Variants in FRMD6 observed in about 807,000 individuals in gnomAD.
The protein encoded by FRMD6 is FERM domain containing 6.
A neutral mutation model predicts 73.2 loss-of-function variants in FRMD6; 37 were observed. The observed-to-expected ratio is 0.51, with a 90% CI of 0.39 to 0.66. FRMD6 has a LOEUF of 0.66. Among genes scored for constraint, FRMD6 ranks in the 30% least tolerant of loss-of-function variants. The probability of loss-of-function intolerance (pLI) is 0.00; values close to 1 mark genes in which losing one functional copy is unlikely to be tolerated. For synonymous variants in FRMD6, 273 were observed against 282.2 expected, an observed-to-expected ratio of 0.97 and a Z score of 0.33; for missense variants, 714 against 780.5, an observed-to-expected ratio of 0.91 and a Z score of 1.02.
At chr14:51,647,719 T>C (rs544546169), upstream of FRMD6, among the ~76,000 whole-genome samples, 1 of 152,342 alleles carries the variant, frequency 6.6e-6, no homozygotes, top group African/African-American at 2.4e-5. Context: ...AAAGTATTCT[T>C]TAAAAGCCAG....
chr14:51,512,207 T>C (rs1390609143), intron 1 of FRMD6, among the ~76,000 whole-genome samples: 1 of 152,172 alleles, frequency 6.6e-6, no homozygotes, highest in Non-Finnish European at 1.5e-5. Flanking sequence ...GGATGGATAA[T>C]AGTTATGCAT....
the FRMD6 span, among the ~76,000 whole-genome samples, chr14:51,470,279 G>A: frequency 6.6e-6 from 1 of 152,178 alleles, no homozygotes; most frequent in Non-Finnish European, 1.5e-5. Context: ...AGCACTTCGG[G>A]AGGCCAAGGT....
intron 6 of FRMD6, among the ~76,000 whole-genome samples, chr14:51,705,977 T>C (rs1896603050): frequency 6.6e-6 from 1 of 152,074 alleles, no homozygotes; most frequent in African/African-American, 2.4e-5. Context: ...AAGTCCCAAA[T>C]CTGGTTTTTT....
intron 1 of FRMD6, among the ~76,000 whole-genome samples, chr14:51,516,449 A>G (rs914028753): frequency 6.6e-6 from 1 of 152,234 alleles, no homozygotes; most frequent in Non-Finnish European, 1.5e-5. Flanking sequence ...GGGCAGAGAG[A>G]AGCCAACACA....
intron 12 of FRMD6, among the ~76,000 whole-genome samples, chr14:51,725,203 T>C (rs1897881450): frequency 6.6e-6 from 1 of 152,178 alleles, no homozygotes; most frequent in South Asian, 2.1e-4. Context: ...GGTGCTGTTA[T>C]TGGCCCGATT....
At chr14:51,704,276 G>A (rs182971020) in intron 5 of FRMD6, among the ~76,000 whole-genome samples, 107 of 152,184 alleles carry the variant, frequency 7.0e-4, no homozygotes, top group African/African-American at 2.5e-3. Context: ...GGGCCTTAGA[G>A]TATTTGTAGT....
chr14:51,496,537 A>G (rs989935222), intron 1 of FRMD6, among the ~76,000 whole-genome samples: 67 of 152,326 alleles, frequency 4.4e-4, no homozygotes, highest in African/African-American at 1.5e-3. Context: ...AGGACAGTGC[A>G]ATGTTCTCAG....
intron 1 of FRMD6, among the ~76,000 whole-genome samples, chr14:51,569,896 A>G (rs1351974015): frequency 2.6e-5 from 4 of 151,400 alleles, no homozygotes; most frequent in Non-Finnish European, 4.4e-5. Flanking sequence ...GCTCACTGCA[A>G]GCTCCACCTC....
At chr14:51,659,207 C>G (rs1333779403) in intron 1 of FRMD6, among the ~76,000 whole-genome samples, 3 of 152,192 alleles carry the variant, frequency 2.0e-5, no homozygotes, top group Non-Finnish European at 4.4e-5. Flanking sequence ...TCTTTTTCCT[C>G]ATCAGTAAAG....
At chr14:51,697,170 C>T (rs568361783) in intron 2 of FRMD6, among the ~76,000 whole-genome samples, 17 of 152,172 alleles carry the variant, frequency 1.1e-4, no homozygotes, top group South Asian at 8.3e-4. Context: ...TGGGTATGTA[C>T]CCAAAGGAGA....
At chr14:51,711,256 T>G (rs1896930189) in intron 7 of FRMD6, among the ~76,000 whole-genome samples, 1 of 152,182 alleles carries the variant, frequency 6.6e-6, no homozygotes, top group South Asian at 2.1e-4. Flanking sequence ...TATTGTCAGA[T>G]ACAAAAGTGT....
the FRMD6 span, among the ~76,000 whole-genome samples, chr14:51,429,565 C>T: frequency 2.0e-5 from 3 of 152,228 alleles, no homozygotes; most frequent in African/African-American, 7.2e-5. Context: ...TTTTATGTGG[C>T]TAAGGACATC....
rs145693850 is a variant in FRMD6 at position 51,676,461 on chromosome 14, A to G, written c.-146-13230A>G. Reference sequence around the variant, plus strand: ...GTAAGTGAAATAACATTTTTTAAGTATGTGGTACATGGTGGTTACATGGTA... The same window carrying G: ...GTAAGTGAAATAACATTTTTTAAGTGTGTGGTACATGGTGGTTACATGGTA... On this transcript the variant is annotated intron_variant, in intron 1 of 13. Transcript: ENST00000344768. Among the ~76,000 whole-genome samples the G allele has an allele frequency of 1.7e-3, 262 of 152,326 alleles. 1 individual carries two copies. The highest frequency in any genetic ancestry group is 3.2e-3 in the Non-Finnish European group (216 of 68,028).
At chr14:51,517,874 AG>A (rs33935469) in intron 1 of FRMD6, among the ~76,000 whole-genome samples, 55,633 of 151,872 alleles carry the variant, frequency 0.37, 10,385 homozygotes, top group African/African-American at 0.42. Context: ...GGGGGTGATG[AG>A]TAGCTCTTCA....
At chr14:51,558,489 AC>A (rs200324379) in intron 1 of FRMD6, among the ~76,000 whole-genome samples, 1,785 of 150,434 alleles carry the variant, frequency 0.012, 32 homozygotes, top group African/African-American at 0.041. Flanking sequence ...AAAACAAAAA[AC>A]AAAACTAAAT....
chr14:51,722,970 C>T (rs1897714232), intron 12 of FRMD6, among the ~76,000 whole-genome samples: 1 of 152,204 alleles, frequency 6.6e-6, no homozygotes, highest in Non-Finnish European at 1.5e-5. Context: ...TCACTACCAT[C>T]CTGGCACTTA....
At chr14:51,522,766 G>A (rs555119328) in intron 1 of FRMD6, 1 of 152,266 alleles carries the variant, frequency 6.6e-6, no homozygotes, top group Admixed American at 6.5e-5. Flanking sequence ...ATTAGATTTG[G>A]CCTAGAGGAG....
chr14:51,477,541 A>C, the FRMD6 span, among the ~76,000 whole-genome samples: 2 of 152,192 alleles, frequency 1.3e-5, no homozygotes, highest in African/African-American at 4.8e-5. Flanking sequence ...ATATAAAATA[A>C]ATAATTGCCT....
intron 1 of FRMD6, among the ~76,000 whole-genome samples, chr14:51,657,301 A>G (rs1251616792): frequency 2.0e-5 from 3 of 152,194 alleles, no homozygotes; most frequent in Non-Finnish European, 4.4e-5. Flanking sequence ...TCAGGAGTGT[A>G]CAGCACAAAA....
Sources: allele counts gnomAD v4.1 joint callset (sites outside exome capture counted in the v4.1 genomes callset), GRCh38; gene constraint gnomAD v4.1.1; transcripts MANE v1.5; gene names NCBI Gene and HGNC (gene_info 2026-07-23, HGNC 2026-07-21).